The following ZMYM4 variants were observed in gnomAD, a reference collection of about 807,000 sequenced individuals.
The protein encoded by ZMYM4 is zinc finger MYM-type containing 4, also known as zinc finger MYM-type protein 4.
A neutral mutation model predicts 183.2 loss-of-function variants in ZMYM4; 31 were observed. The ratio of observed to expected loss-of-function variants is 0.17; its 90% CI spans 0.13 to 0.23. The LOEUF (loss-of-function observed/expected upper bound fraction) is 0.23, where lower values mean the gene tolerates loss of function less well. Ranked by LOEUF, ZMYM4 falls within the 10% of genes least tolerant of loss-of-function variation. The pLI is 1.00. For missense variants in ZMYM4, 1,273 were observed against 1,840.3 expected (o/e 0.69, Z 5.64); for synonymous variants, 592 against 631.2 (o/e 0.94, Z 0.93).
intron 1 of ZMYM4, among the ~76,000 whole-genome samples, chr1:35,311,477 G>A (rs1050398586): frequency 5.3e-5 from 8 of 151,702 alleles, no homozygotes; most frequent in Non-Finnish European, 1.0e-4. Flanking sequence ...AATGTTTTGG[G>A]ACTGGCTTCA....
chr1:35,302,048 T>C (rs906665121), intron 1 of ZMYM4, among the ~76,000 whole-genome samples: 3 of 152,170 alleles, frequency 2.0e-5, no homozygotes, highest in Admixed American at 6.6e-5. Context: ...TCTCTGTTAC[T>C]TCATAATAGC....
At chr1:35,293,728 G>A (rs904192692) in intron 1 of ZMYM4, among the ~76,000 whole-genome samples, 3 of 152,172 alleles carry the variant, frequency 2.0e-5, no homozygotes, top group African/African-American at 7.2e-5. Context: ...ATACTAGGTG[G>A]TAATTTCTCG....
At chr1:35,319,767 C>T (rs984844362) in intron 1 of ZMYM4, among the ~76,000 whole-genome samples, 7 of 151,890 alleles carry the variant, frequency 4.6e-5, no homozygotes, top group African/African-American at 1.5e-4. Flanking sequence ...CTCATTGTGG[C>T]GGTTGAAGGA....
intron 1 of ZMYM4, among the ~76,000 whole-genome samples, chr1:35,318,553 G>T (rs890518704): frequency 5.9e-5 from 9 of 152,088 alleles, no homozygotes; most frequent in African/African-American, 1.9e-4. Context: ...CGTCTCCCAG[G>T]TTCAAGTGAT....
chr1:35,275,994 A>T (rs1160877379), intron 1 of ZMYM4, among the ~76,000 whole-genome samples: 6 of 152,160 alleles, frequency 3.9e-5, no homozygotes, highest in Non-Finnish European at 7.4e-5. Context: ...CTGGCCTCCT[A>T]GAAGCTTTAA....
chr1:35,376,796 G>C (rs1644344019), intron 7 of ZMYM4, among the ~76,000 whole-genome samples: 1 of 152,120 alleles, frequency 6.6e-6, no homozygotes, highest in South Asian at 2.1e-4. Flanking sequence ...AAAGTGCTGG[G>C]ATTACAGGCG....
intron 7 of ZMYM4, among the ~76,000 whole-genome samples, chr1:35,371,812 C>T (rs1644220518): frequency 6.6e-6 from 1 of 152,182 alleles, no homozygotes; most frequent in Admixed American, 6.5e-5. Context: ...CTGATATGCA[C>T]ATCGTTTATG....
At chr1:35,346,837 G>A (rs1263200296) in intron 2 of ZMYM4, among the ~76,000 whole-genome samples, 1 of 152,018 alleles carries the variant, frequency 6.6e-6, no homozygotes, top group Non-Finnish European at 1.5e-5. Flanking sequence ...TTCCTAAAGG[G>A]CCAAATAGTA....
At chr1:35,319,268 C>T (rs1011858084) in intron 1 of ZMYM4, among the ~76,000 whole-genome samples, 2 of 152,166 alleles carry the variant, frequency 1.3e-5, no homozygotes, top group African/African-American at 4.8e-5. Flanking sequence ...ATTAAGATTG[C>T]TTTGCATGGT....
At chr1:35,413,077 C>T (rs1165307586) in intron 26 of ZMYM4, among the ~76,000 whole-genome samples, 2 of 151,964 alleles carry the variant, frequency 1.3e-5, no homozygotes, top group Non-Finnish European at 2.9e-5. Context: ...GGGTCTTGCT[C>T]TGTTACCCAG....
chr1:35,407,265 C>G (rs888085084), intron 25 of ZMYM4, among the ~76,000 whole-genome samples: 9 of 152,056 alleles, frequency 5.9e-5, no homozygotes, highest in African/African-American at 1.9e-4. Context: ...GAAACCCCGT[C>G]TCTACTAAAA....
intron 2 of ZMYM4, among the ~76,000 whole-genome samples, chr1:35,348,970 G>T (rs1261940850): frequency 6.6e-6 from 1 of 152,010 alleles, no homozygotes; most frequent in Non-Finnish European, 1.5e-5. Flanking sequence ...TCATGAAGAT[G>T]GCCTATATGG....
chr1:35,350,953 A>T (rs1643583582), intron 2 of ZMYM4: 2 of 683,404 alleles, frequency 2.9e-6, no homozygotes, highest in Non-Finnish European at 5.2e-6. Context: ...TGTGCGGCAT[A>T]TGCATATGAA....
chr1:35,361,891 G>T, intron 5 of ZMYM4, 102 bp downstream of exon 5: 2 of 1,435,470 alleles, frequency 1.4e-6, no homozygotes, highest in Non-Finnish European at 1.9e-6. Context: ...TGTTGACAGG[G>T]TGAAAGGAAA....
chr1:35,334,731 A>AG (rs1437048967), intron 2 of ZMYM4, among the ~76,000 whole-genome samples: 1 of 152,204 alleles, frequency 6.6e-6, no homozygotes, highest in Non-Finnish European at 1.5e-5. Context: ...CTATTCATTC[A>AG]GGATTTTTAA....
chr1:35,285,282 A>C (rs946666933), intron 1 of ZMYM4, among the ~76,000 whole-genome samples: 6 of 152,164 alleles, frequency 3.9e-5, no homozygotes, highest in African/African-American at 1.4e-4. Flanking sequence ...TCATCTTAAC[A>C]ATGTTAAGTC....
intron 23 of ZMYM4, among the ~76,000 whole-genome samples, chr1:35,402,899 G>GC (rs1260496406): frequency 6.6e-6 from 1 of 152,044 alleles, no homozygotes; most frequent in African/African-American, 2.4e-5. Context: ...AGTATCTTCA[G>GC]TACAATGTTG....
At chr1:35,328,851 G>C (rs1642617301) in intron 2 of ZMYM4, among the ~76,000 whole-genome samples, 1 of 151,914 alleles carries the variant, frequency 6.6e-6, no homozygotes. Context: ...GATCATCCTA[G>C]CCCTCCCATT....
intron 1 of ZMYM4, among the ~76,000 whole-genome samples, chr1:35,300,775 T>TGC (rs1469185799): frequency 3.9e-5 from 6 of 152,344 alleles, no homozygotes; most frequent in African/African-American, 1.4e-4. Context: ...CTCCTTAGTA[T>TGC]ATTCATGCTT....
Sources: allele counts gnomAD v4.1 joint callset (sites outside exome capture counted in the v4.1 genomes callset), GRCh38; gene constraint gnomAD v4.1.1; transcripts MANE v1.5; gene names NCBI Gene and HGNC (gene_info 2026-07-23, HGNC 2026-07-21).